The following STK24 variants were observed in gnomAD, a reference collection of about 807,000 sequenced individuals.
STK24 encodes serine/threonine-protein kinase 24.
STK24 carries 21 observed loss-of-function variants against 55.6 expected under a neutral mutation model. The observed-to-expected ratio is 0.38, with a 90% CI of 0.27 to 0.54. The LOEUF is 0.54. STK24 is among the 20% of genes least tolerant of loss of function. The pLI is 0.79. For synonymous variants in STK24, 200 were observed against 215.2 expected, an observed-to-expected ratio of 0.93 and a Z score of 0.62; for missense variants, 383 against 538.4, an observed-to-expected ratio of 0.71 and a Z score of 2.86.
chr13:98,576,694 C>A, intron 1 of STK24, 51 bp downstream of exon 1: 1 of 1,429,746 alleles, frequency 7.0e-7, no homozygotes, highest in Non-Finnish European at 9.2e-7. Context: ...CGCCAAGTTG[C>A]TGCTTCCGCC....
At chr13:98,539,205 C>T (rs1169137628) in intron 1 of STK24, among the ~76,000 whole-genome samples, 2 of 152,216 alleles carry the variant, frequency 1.3e-5, no homozygotes, top group African/African-American at 2.4e-5. Context: ...TGCTACAATA[C>T]TAACATCCTC....
chr13:98,497,731 AAAG>A (rs147689954), intron 2 of STK24, among the ~76,000 whole-genome samples: 2,691 of 152,290 alleles, frequency 0.018, 26 homozygotes, highest in Non-Finnish European at 0.027. Flanking sequence ...CATTTAGATA[AAAG>A]AAGACGGCAC....
chr13:98,490,988 TG>T (rs2139322327), intron 2 of STK24, among the ~76,000 whole-genome samples: 1 of 152,008 alleles, frequency 6.6e-6, no homozygotes, highest in East Asian at 1.9e-4. Context: ...CAAAGATGCA[TG>T]GGGACCAGCC....
At chr13:98,525,117 A>G (rs1359455975) in intron 1 of STK24, among the ~76,000 whole-genome samples, 2 of 152,280 alleles carry the variant, frequency 1.3e-5, no homozygotes, top group Non-Finnish European at 1.5e-5. Context: ...CATGGCCAGA[A>G]GAAAAATCAA....
At chr13:98,482,022 G>C (rs1360914365) in intron 3 of STK24, among the ~76,000 whole-genome samples, 18 of 150,982 alleles carry the variant, frequency 1.2e-4, no homozygotes, top group Admixed American at 1.2e-3. Flanking sequence ...AGCTGAGATT[G>C]CGCCACTGCA....
In STK24 at chr13:98,570,255, C is replaced by A. The variant is rs942441756; in HGVS notation, c.42+6490G>T. Among the ~76,000 whole-genome samples the A allele has an allele frequency of 2.0e-5, 3 of 152,264 alleles. No homozygotes were observed. The South Asian group carries it at 6.2e-4, about 32-fold the overall frequency. ...CAGGAGAGATCAAAGGGGCTGCCCT[C>A]GGGGAATAAGAAATGGCGGGAGGTG... is the stretch of plus-strand genomic sequence containing the variant. On this transcript the variant is annotated intron_variant, in intron 1 of 10. Coordinates refer to ENST00000539966, the MANE Select transcript of STK24 (RefSeq NM_001032296.4).
At chr13:98,553,021 C>T (rs1253050757) in intron 1 of STK24, among the ~76,000 whole-genome samples, 3 of 152,104 alleles carry the variant, frequency 2.0e-5, no homozygotes, top group African/African-American at 4.8e-5. Context: ...ACCACTCTGG[C>T]ACAGGATGCT....
Position 98,545,633 on chromosome 13 carries a change from C to CA in STK24, c.43-26161dup, listed in dbSNP as rs57995539. 6.7e-3 allele frequency among the ~76,000 whole-genome samples: 791 copies of CA among 118,086 alleles called. 7 individuals carry two copies. The highest frequency in any genetic ancestry group is 0.023 in the African/African-American group (661 of 29,332). The allele number at this position is 118,086 out of a possible 152,430, so 77.5% of individuals were successfully genotyped here. A position where few individuals can be genotyped will look rare whatever the true frequency, so the allele number is the denominator to read the frequency against. ...TGGGTGACAGAGCAAAACTCCATCT[C>CA]AAAAAAAAAAAAAAAAAAAGTGCCA... On this transcript the variant is annotated intron_variant, in intron 1 of 10. Coordinates refer to ENST00000539966, the MANE Select transcript of STK24 (RefSeq NM_001032296.4).
chr13:98,450,883 T>G lies in STK24; in HGVS notation c.*2290A>C, dbSNP rs1893157606. The G allele has an allele frequency of 1.3e-5, 2 of 152,098 alleles. No individual in the cohort carries two copies. Among genetic ancestry groups the G allele is most frequent in the South Asian group, 4.1e-4 (2 of 4,824 alleles). The allele number at this position is 152,098 out of a possible 1,614,324, so 9.4% of individuals were successfully genotyped here. A position where few individuals can be genotyped will look rare whatever the true frequency, so the allele number is the denominator to read the frequency against. On this transcript the variant is annotated 3_prime_UTR_variant, in exon 11 of 11. Coordinates refer to ENST00000539966, the MANE Select transcript of STK24 (RefSeq NM_001032296.4). ...GCTGATTTTGTGCGTCTACAGAAAGTAACAGCCCAGGAGAGAATGTACACA... is the reference window on the plus strand; with the variant it reads ...GCTGATTTTGTGCGTCTACAGAAAGGAACAGCCCAGGAGAGAATGTACACA...
At chr13:98,556,546 T>G (rs1272841107) in intron 1 of STK24, among the ~76,000 whole-genome samples, 1 of 143,974 alleles carries the variant, frequency 6.9e-6, no homozygotes, top group Admixed American at 6.8e-5. Flanking sequence ...AAAAAATCAC[T>G]GTAACACAAT....
chr13:98,465,361 G>A, intron 6 of STK24, among the ~76,000 whole-genome samples: 1 of 152,244 alleles, frequency 6.6e-6, no homozygotes, highest in Non-Finnish European at 1.5e-5. Context: ...TAGCTGTGGG[G>A]TGGAGCTCTG....
At chr13:98,524,400 G>GGCCTGTTCTA (rs1220475822) in intron 1 of STK24, among the ~76,000 whole-genome samples, 1 of 152,172 alleles carries the variant, frequency 6.6e-6, no homozygotes, top group Admixed American at 6.5e-5. Context: ...CATGTGGAGA[G>GGCCTGTTCTA]GCCTGTTCTA....
intron 6 of STK24, among the ~76,000 whole-genome samples, chr13:98,465,136 G>C (rs955750887): frequency 1.3e-5 from 2 of 152,164 alleles, no homozygotes; most frequent in African/African-American, 2.4e-5. Context: ...GCCCAAATGG[G>C]AACAGACAGC....
chr13:98,502,548 G>C (rs1333814849), intron 2 of STK24, among the ~76,000 whole-genome samples: 1 of 152,136 alleles, frequency 6.6e-6, no homozygotes, highest in Non-Finnish European at 1.5e-5. Flanking sequence ...TCATAAGGAC[G>C]GAGCCCTCAT....
At chr13:98,511,952 G>C (rs1028169411) in intron 2 of STK24, among the ~76,000 whole-genome samples, 6 of 149,354 alleles carry the variant, frequency 4.0e-5, no homozygotes, top group African/African-American at 1.5e-4. Context: ...CCAGGCTGGA[G>C]TGCAGTGGTG....
At chr13:98,472,683 C>CT (rs1894197548) in intron 5 of STK24, among the ~76,000 whole-genome samples, 1 of 152,192 alleles carries the variant, frequency 6.6e-6, no homozygotes, top group Non-Finnish European at 1.5e-5. Flanking sequence ...TGTAATACAA[C>CT]TTTTTTCCTC....
chr13:98,456,811 G>A (rs770989569), intron 10 of STK24: 6 of 379,960 alleles, frequency 1.6e-5, no homozygotes, highest in South Asian at 9.4e-5. Context: ...CTTTAAAGCC[G>A]AAAACCAGAT....
intron 2 of STK24, among the ~76,000 whole-genome samples, chr13:98,512,460 T>C (rs1038115099): frequency 1.3e-5 from 2 of 150,484 alleles, no homozygotes; most frequent in African/African-American, 4.9e-5. Context: ...TAGAAAGGAG[T>C]CCAAAGCTCA....
chr13:98,483,239 C>T (rs1894669306), intron 2 of STK24, among the ~76,000 whole-genome samples: 1 of 152,212 alleles, frequency 6.6e-6, no homozygotes. Flanking sequence ...TGCACGAGGC[C>T]TTGGCCAAGA....
Sources: allele counts gnomAD v4.1 joint callset (sites outside exome capture counted in the v4.1 genomes callset), GRCh38; gene constraint gnomAD v4.1.1; transcripts MANE v1.5; gene names NCBI Gene and HGNC (gene_info 2026-07-23, HGNC 2026-07-21).